The following RAPGEF6 variants were observed in gnomAD, a reference collection of about 807,000 sequenced individuals.
RAPGEF6 encodes Rap guanine nucleotide exchange factor 6.
A neutral mutation model predicts 171.4 loss-of-function variants in RAPGEF6; 56 were observed. The ratio of observed to expected loss-of-function variants is 0.33; its 90% CI spans 0.26 to 0.41. The LOEUF is 0.41. RAPGEF6 is among the 10% of genes least tolerant of loss of function. The pLI is 1.00. For missense variants in RAPGEF6, 1,674 were observed against 1,921.4 expected (o/e 0.87, Z 2.41); for synonymous variants, 692 against 650.1 (o/e 1.06, Z -0.98).
intron 17 of RAPGEF6, among the ~76,000 whole-genome samples, chr5:131,464,531 G>A (rs950104920): frequency 6.6e-6 from 1 of 150,986 alleles, no homozygotes; most frequent in African/African-American, 2.4e-5. Flanking sequence ...TTGGAAGCCA[G>A]AATTTTTTCA....
intron 6 of RAPGEF6, among the ~76,000 whole-genome samples, chr5:131,544,331 G>C (rs1322846287): frequency 1.3e-5 from 2 of 152,054 alleles, no homozygotes; most frequent in Non-Finnish European, 2.9e-5. Context: ...GAAACAAATT[G>C]TGGTACATTC....
rs56796052 is a variant in RAPGEF6 at position 131,568,661 on chromosome 5, A to G, written c.282-6614T>C. Among the ~76,000 whole-genome samples the G allele has an allele frequency of 7.2e-3, 1,098 of 152,278 alleles. 10 individuals carry two copies. Among genetic ancestry groups the G allele is most frequent in the African/African-American group, 0.025 (1,019 of 41,544 alleles). On this transcript the variant is annotated intron_variant, in intron 4 of 27. Coordinates refer to ENST00000509018, the MANE Select transcript of RAPGEF6 (RefSeq NM_016340.6). ...CTTGATGGTTAATCTGTGGGATTGCAATATGCTTCAGGAACAAGCAAAGGT... is the reference window on the plus strand; with the variant it reads ...CTTGATGGTTAATCTGTGGGATTGCGATATGCTTCAGGAACAAGCAAAGGT...
intron 7 of RAPGEF6, among the ~76,000 whole-genome samples, chr5:131,519,233 G>T (rs1318709503): frequency 3.9e-5 from 6 of 152,128 alleles, no homozygotes. Context: ...GCTCCTATAG[G>T]AGCTCCTGTA....
intron 1 of RAPGEF6, among the ~76,000 whole-genome samples, chr5:131,627,393 C>T (rs1360269153): frequency 6.6e-6 from 1 of 152,162 alleles, no homozygotes; most frequent in Non-Finnish European, 1.5e-5. Context: ...CCAATGAATA[C>T]GAAGTGCTAC....
At chr5:131,458,530 A>G (rs1307702055) in intron 19 of RAPGEF6, among the ~76,000 whole-genome samples, 1 of 152,246 alleles carries the variant, frequency 6.6e-6, no homozygotes, top group Non-Finnish European at 1.5e-5. Context: ...AGAGGAAATA[A>G]AAGAAAACTG....
At chr5:131,534,830 C>T (rs1445255249) in intron 6 of RAPGEF6, among the ~76,000 whole-genome samples, 3 of 151,734 alleles carry the variant, frequency 2.0e-5, no homozygotes, top group Non-Finnish European at 2.9e-5. Context: ...TTCAAGAATA[C>T]CAAGAATTTC....
rs114705314 is a variant in RAPGEF6, at chr5:131,451,358, T to C, written c.3200+1696A>G. ...CAGCACTTTGGCAGGCTGAGGCATGTGAATTGCTTGAGTCCAGGAGTTCAA... is the reference window on the plus strand; with the variant it reads ...CAGCACTTTGGCAGGCTGAGGCATGCGAATTGCTTGAGTCCAGGAGTTCAA... On this transcript the variant is annotated intron_variant, in intron 21 of 27. Transcript: ENST00000509018. Among the ~76,000 whole-genome samples the C allele has an allele frequency of 5.1e-3, 765 of 151,284 alleles. 4 individuals are homozygous for C. Among genetic ancestry groups the C allele is most frequent in the African/African-American group, 0.017 (701 of 41,196 alleles).
At chr5:131,440,217 A>G (rs1210074134) in intron 23 of RAPGEF6, 6 of 456,342 alleles carry the variant, frequency 1.3e-5, no homozygotes, top group Non-Finnish European at 2.6e-5. Context: ...TTTCAAGAGC[A>G]CTAAATTCAC....
chr5:131,482,307 C>T (rs112011220), intron 15 of RAPGEF6, among the ~76,000 whole-genome samples: 7 of 151,714 alleles, frequency 4.6e-5, no homozygotes, highest in African/African-American at 1.7e-4. Flanking sequence ...TATATATGTA[C>T]ATTTATATAT....
rs1754148461 is a variant in RAPGEF6 at position 131,464,138 on chromosome 5, G to C, written c.2383C>G (p.Leu795Val). 1 of 1,614,008 alleles carries C rather than the reference G, an allele frequency of 6.2e-7. No homozygotes were observed. Among genetic ancestry groups the C allele is most frequent in the Non-Finnish European group, 8.5e-7 (1 of 1,179,952 alleles). Reference protein sequence around the residue: ...GLTGASDTYSLCEVSVTPEGV... With the variant: ...GLTGASDTYSVCEVSVTPEGV... ...TCAGGAGTAACAGAAACTTCACAGA[G>C]AGAATATGTGTCGGATGCACCGGTC... Residue 795 changes from leucine (L) to valine (V), a missense_variant, in exon 18 of 28, where the codon CTC becomes GTC. Around this residue, in one of 3 missense-constraint regions of RAPGEF6, gnomAD observed 1,116 missense variants for 1,321.5 expected, o/e 0.84. Transcript: ENST00000509018.
intron 12 of RAPGEF6, among the ~76,000 whole-genome samples, chr5:131,496,877 C>A (rs1756671872): frequency 1.3e-5 from 2 of 151,840 alleles, no homozygotes; most frequent in African/African-American, 4.8e-5. Flanking sequence ...ATTAGAATTG[C>A]TGGGCTATAT....
intron 6 of RAPGEF6, among the ~76,000 whole-genome samples, chr5:131,534,997 T>C (rs1759669893): frequency 6.6e-6 from 1 of 152,066 alleles, no homozygotes; most frequent in Admixed American, 6.6e-5. Context: ...GAGACAGCCA[T>C]CTCTTAGCTG....
intron 19 of RAPGEF6, among the ~76,000 whole-genome samples, chr5:131,457,267 C>T (rs1465384289): frequency 6.6e-6 from 1 of 152,156 alleles, no homozygotes; most frequent in African/African-American, 2.4e-5. Flanking sequence ...GACAGGGTTT[C>T]ACCATGTTGG....
chr5:131,539,089 G>A (rs1223652111), intron 6 of RAPGEF6, among the ~76,000 whole-genome samples: 1 of 152,186 alleles, frequency 6.6e-6, no homozygotes, highest in Non-Finnish European at 1.5e-5. Context: ...TTGAAAAGCT[G>A]AAGATTCTTA....
chr5:131,502,957 C>T (rs1290072117), intron 11 of RAPGEF6, among the ~76,000 whole-genome samples: 2 of 152,080 alleles, frequency 1.3e-5, no homozygotes, highest in Non-Finnish European at 2.9e-5. Flanking sequence ...CGGCCACCAC[C>T]ATGCCTAGCT....
intron 13 of RAPGEF6, 76 bp downstream of exon 13, chr5:131,495,477 T>C: frequency 1.9e-6 from 2 of 1,044,212 alleles, no homozygotes; most frequent in South Asian, 2.8e-5. Flanking sequence ...GAATGAAAGC[T>C]ATTGCTGTTC....
At position 131,479,195 on chromosome 5, in the gene RAPGEF6, C is replaced by T. The variant is rs190152155; in HGVS notation, c.2081+318G>A. On this transcript the variant is annotated intron_variant, in intron 16 of 27. Coordinates refer to ENST00000509018, the MANE Select transcript of RAPGEF6 (RefSeq NM_016340.6). ...AAAAAAAAAAACTGGTGAATAAGTC[C>T]CAAGATTTAAGGTGTACAATTTGTA... Among the ~76,000 whole-genome samples, 646 of 151,110 alleles carry T rather than the reference C, an allele frequency of 4.3e-3. 28 individuals are homozygous for T. Among genetic ancestry groups the T allele is most frequent in the Admixed American group, 0.038 (578 of 15,200 alleles).
At chr5:131,633,090 T>C (rs1198051800) in intron 1 of RAPGEF6, among the ~76,000 whole-genome samples, 1 of 152,166 alleles carries the variant, frequency 6.6e-6, no homozygotes, top group Admixed American at 6.5e-5. Flanking sequence ...TCCCAGCACT[T>C]TGGGAGGCCG....
chr5:131,523,789 T>TAAAA (rs1383910937), intron 6 of RAPGEF6, among the ~76,000 whole-genome samples: 11 of 64,662 alleles, frequency 1.7e-4, no homozygotes, highest in South Asian at 9.7e-4. Context: ...CCCAGCAAGA[T>TAAAA]AAAAAAACAA....
Sources: allele counts gnomAD v4.1 joint callset (sites outside exome capture counted in the v4.1 genomes callset), GRCh38; gene constraint gnomAD v4.1.1; regional missense constraint gnomAD v4.1.1; transcripts MANE v1.5; gene names NCBI Gene and HGNC (gene_info 2026-07-23, HGNC 2026-07-21).